The following DMD variants were observed in gnomAD, a reference collection of about 807,000 sequenced individuals.
DMD encodes the protein dystrophin.
A neutral mutation model predicts 330.1 loss-of-function variants in DMD; 63 were observed. The observed-to-expected ratio is 0.19, with a 90% CI of 0.16 to 0.24. DMD has a LOEUF of 0.24. DMD is among the 10% of genes least tolerant of loss of function. DMD has a pLI of 1.00. For missense variants in DMD, 3,344 were observed against 2,684.1 expected (o/e 1.25, Z -5.43); for synonymous variants, 1,223 against 959.8 (o/e 1.27, Z -5.07).
intron 7 of DMD, among the ~76,000 whole-genome samples, chrX:32,808,745 A>G (rs1429127713): frequency 9.0e-6 from 1 of 111,049 alleles, no homozygotes; most frequent in African/African-American, 3.3e-5. Flanking sequence ...CACTTTTCCA[A>G]CTCCTGATTT....
At chrX:32,423,932 T>C (rs747018525) in intron 29 of DMD, among the ~76,000 whole-genome samples, 1 of 110,915 alleles carries the variant, frequency 9.0e-6, no homozygotes, top group Non-Finnish European at 1.9e-5. Context: ...AGAAGATACA[T>C]GAAATAGAGA....
intron 47 of DMD, among the ~76,000 whole-genome samples, chrX:31,918,636 CT>C (rs1243401003): frequency 1.8e-3 from 186 of 103,661 alleles, no homozygotes; most frequent in African/African-American, 4.6e-3. Context: ...TTTTTTTAAT[CT>C]TTTTTTTTTT....
rs866074002 is a variant in DMD at position 32,847,832 on chromosome X, G to A, written c.186+1896C>T. ...CTAATTAGGTTCATTTTGTCTTAGC[G>A]TCTATGTATGTATATGCATAAATGC... On this transcript the variant is annotated intron_variant, in intron 3 of 78. Coordinates refer to ENST00000357033, the MANE Select transcript of DMD (RefSeq NM_004006.3). Among the ~76,000 whole-genome samples, 13 of 111,863 alleles carry A rather than the reference G, an allele frequency of 1.2e-4. No homozygotes were observed. In the South Asian group the frequency reaches 2.3e-3, roughly 19 times the overall value.
intron 52 of DMD, among the ~76,000 whole-genome samples, chrX:31,720,651 T>A (rs1017518967): frequency 8.9e-6 from 1 of 111,929 alleles, no homozygotes; most frequent in African/African-American, 3.2e-5. Flanking sequence ...ATTGGTTTAT[T>A]TATTTAATAG....
chrX:31,397,560 C>T (rs1340801301), intron 60 of DMD, among the ~76,000 whole-genome samples: 1 of 112,533 alleles, frequency 8.9e-6, no homozygotes. Context: ...TGCATCTTTC[C>T]TAGATTCCAT....
intron 52 of DMD, among the ~76,000 whole-genome samples, chrX:31,728,109 G>A (rs758057406): frequency 0.023 from 2,626 of 111,825 alleles, 28 homozygotes; most frequent in Non-Finnish European, 0.035. Context: ...TGCAAGCTCC[G>A]CCTCCCGGGT....
intron 44 of DMD, among the ~76,000 whole-genome samples, chrX:32,052,086 T>C (rs1044077586): frequency 1.8e-5 from 2 of 112,180 alleles, no homozygotes; most frequent in African/African-American, 6.5e-5. Context: ...TATAAAAGTA[T>C]GAAAAATAGG....
intron 59 of DMD, among the ~76,000 whole-genome samples, chrX:31,455,804 G>C (rs1270208673): frequency 3.6e-5 from 4 of 111,936 alleles, no homozygotes; most frequent in Non-Finnish European, 5.6e-5. Flanking sequence ...CTGCTTGGTG[G>C]TGGTGGCACA....
intron 33 of DMD, among the ~76,000 whole-genome samples, chrX:32,382,298 G>C (rs1005302568): frequency 9.0e-6 from 1 of 111,209 alleles, no homozygotes. Flanking sequence ...TGCGTTATTT[G>C]TGCATTATGC....
chrX:31,919,265 G>A (rs988378866), intron 47 of DMD, among the ~76,000 whole-genome samples: 1 of 112,189 alleles, frequency 8.9e-6, no homozygotes, highest in Non-Finnish European at 1.9e-5. Flanking sequence ...CTTCATGATA[G>A]TCATTTACAT....
intron 1 of DMD, among the ~76,000 whole-genome samples, chrX:33,307,556 C>T (rs2053782290): frequency 9.0e-6 from 1 of 111,094 alleles, no homozygotes; most frequent in African/African-American, 3.3e-5. Flanking sequence ...AGCTGGGTGT[C>T]GTGGCATACG....
rs749950829 is a variant in DMD at position 31,474,712 on chromosome X, AAAAAT to A, written c.8937+3389_8937+3393del. On this transcript the variant is annotated intron_variant, in intron 59 of 78. Transcript: ENST00000357033. Reference sequence around the variant, plus strand: ...TGACAGAGCGAGACTGTCGCAAAAAAAAAATAAAATAAAATAAAATAAAATAAAAT... The same window carrying A: ...TGACAGAGCGAGACTGTCGCAAAAAAAAAATAAAATAAAATAAAATAAAAT... 2.1e-3 allele frequency among the ~76,000 whole-genome samples: 205 copies of A among 96,007 alleles called. 1 individual carries two copies. Among genetic ancestry groups the A allele is most frequent in the African/African-American group, 5.0e-3 (117 of 23,239 alleles). The allele number at this position is 96,007 out of a possible 115,157, so 83.4% of individuals were successfully genotyped here. A position where few individuals can be genotyped will look rare whatever the true frequency, so the allele number is the denominator to read the frequency against.
intron 9 of DMD, among the ~76,000 whole-genome samples, chrX:32,684,022 C>T (rs867504611): frequency 1.4e-4 from 13 of 91,089 alleles, no homozygotes; most frequent in East Asian, 6.2e-4. Flanking sequence ...CATACATACA[C>T]ACACACACAC....
chrX:32,467,228 G>A (rs1416893893), intron 23 of DMD, among the ~76,000 whole-genome samples: 1 of 112,026 alleles, frequency 8.9e-6, no homozygotes, highest in East Asian at 2.8e-4. Flanking sequence ...GGAGCATATT[G>A]TTGCAATGTT....
intron 4 of DMD, among the ~76,000 whole-genome samples, chrX:32,840,866 T>TATA (rs2080099277): frequency 8.9e-6 from 1 of 112,060 alleles, no homozygotes; most frequent in African/African-American, 3.2e-5. Context: ...TTCTCACATA[T>TATA]ATATGTGTTT....
At chrX:32,055,300 T>C (rs62589982) in intron 44 of DMD, among the ~76,000 whole-genome samples, 2,379 of 112,223 alleles carry the variant, frequency 0.021, 34 homozygotes, top group Non-Finnish European at 0.034. Context: ...TGTTTTAAAT[T>C]AAAGATATTA....
chrX:32,697,012 C>T (rs2063708045), intron 9 of DMD, among the ~76,000 whole-genome samples: 1 of 111,726 alleles, frequency 9.0e-6, no homozygotes, highest in Non-Finnish European at 1.9e-5. Context: ...CATTTTTTAG[C>T]CGATAGGATC....
At chrX:33,227,820 T>C (rs2052318033) in intron 1 of DMD, among the ~76,000 whole-genome samples, 1 of 111,224 alleles carries the variant, frequency 9.0e-6, no homozygotes, top group Non-Finnish European at 1.9e-5. Context: ...AAACACCATT[T>C]ATAATTTGGT....
chrX:31,142,917 C>G (rs945683098), intron 76 of DMD, among the ~76,000 whole-genome samples: 1 of 111,945 alleles, frequency 8.9e-6, no homozygotes, highest in African/African-American at 3.2e-5. Context: ...AATATGTTGA[C>G]TCTTTAGACA....
Sources: gnomAD v4.1 joint callset for allele counts (sites outside exome capture counted in the v4.1 genomes callset) on GRCh38, gnomAD v4.1.1 for gene constraint, MANE v1.5 for transcripts, NCBI Gene and HGNC (gene_info 2026-07-23, HGNC 2026-07-21) for gene names.